Variants in TMC1 observed in about 807,000 individuals in gnomAD.
TMC1 encodes the protein transmembrane channel like 1.
In TMC1, 84 loss-of-function variants were observed where a neutral mutation model predicts 105.8. The ratio of observed to expected loss-of-function variants is 0.79; its 90% CI spans 0.67 to 0.95. The LOEUF (loss-of-function observed/expected upper bound fraction) is 0.95, where lower values mean the gene tolerates loss of function less well. Ranked by LOEUF, TMC1 falls within the 40% of genes least tolerant of loss-of-function variation. TMC1 has a pLI of 0.00. For synonymous variants in TMC1, 315 were observed against 311.5 expected (o/e 1.01, Z -0.12); for missense variants, 817 against 914.1 (o/e 0.89, Z 1.37).
chr9:72,805,204 T>A (rs542062961), intron 17 of TMC1, 178 bp from the exon 18 acceptor site: 1 of 513,680 alleles, frequency 1.9e-6, no homozygotes, highest in Admixed American at 3.5e-5. Context: ...ATTTTTTAAG[T>A]AATAAAGTCA....
intron 8 of TMC1, among the ~76,000 whole-genome samples, chr9:72,721,878 T>C (rs1827033421): frequency 6.6e-6 from 1 of 152,202 alleles, no homozygotes; most frequent in Non-Finnish European, 1.5e-5. Flanking sequence ...GAGTTCTTTT[T>C]AAATACCTGT....
intron 17 of TMC1, among the ~76,000 whole-genome samples, chr9:72,803,062 A>G (rs1052525109): frequency 6.6e-6 from 1 of 152,146 alleles, no homozygotes; most frequent in Admixed American, 6.5e-5. Context: ...AGAATAGGGA[A>G]CACAGAAATA....
chr9:72,633,142 C>T (rs936079711), intron 4 of TMC1, among the ~76,000 whole-genome samples: 1 of 152,110 alleles, frequency 6.6e-6, no homozygotes, highest in Non-Finnish European at 1.5e-5. Flanking sequence ...GGAATTTTTC[C>T]TTACTCAGTT....
chr9:72,755,727 G>A (rs891937715), intron 12 of TMC1, among the ~76,000 whole-genome samples: 2 of 152,132 alleles, frequency 1.3e-5, no homozygotes, highest in African/African-American at 2.4e-5. Context: ...AGTAATTTTT[G>A]GAGGCTAGAC....
intron 3 of TMC1, among the ~76,000 whole-genome samples, chr9:72,623,144 CCT>C (rs1160252201): frequency 7.0e-5 from 9 of 129,440 alleles, no homozygotes; most frequent in East Asian, 2.4e-4. Context: ...TCTCTCTCTC[CCT>C]GTTTTTTTTT....
chr9:72,572,923 T>G (rs1258090205), intron 1 of TMC1, among the ~76,000 whole-genome samples: 2 of 151,842 alleles, frequency 1.3e-5, no homozygotes, highest in Non-Finnish European at 2.9e-5. Context: ...ACCTGGGAGG[T>G]GGAGGCTGTG....
intron 12 of TMC1, among the ~76,000 whole-genome samples, chr9:72,766,596 T>A (rs552675284): frequency 2.0e-4 from 31 of 152,168 alleles, no homozygotes; most frequent in Admixed American, 2.0e-3. Flanking sequence ...ATGTCCCCTG[T>A]GTAGGCAGGA....
At chr9:72,736,141 C>G (rs1409505492) in intron 8 of TMC1, among the ~76,000 whole-genome samples, 1 of 152,058 alleles carries the variant, frequency 6.6e-6, no homozygotes, top group African/African-American at 2.4e-5. Context: ...TATGTTGAGG[C>G]TAGGGCGGGG....
At chr9:72,807,065 T>C (rs1217476953) in intron 18 of TMC1, among the ~76,000 whole-genome samples, 1 of 152,336 alleles carries the variant, frequency 6.6e-6, no homozygotes, top group African/African-American at 2.4e-5. Context: ...GGCTGGAGAC[T>C]GGCCTGGCCA....
At chr9:72,812,590 C>T (rs991663361) in intron 18 of TMC1, among the ~76,000 whole-genome samples, 1 of 152,190 alleles carries the variant, frequency 6.6e-6, no homozygotes, top group Non-Finnish European at 1.5e-5. Context: ...ATTTCTGATT[C>T]AGTAGATCTG....
intron 4 of TMC1, among the ~76,000 whole-genome samples, chr9:72,635,916 A>G (rs79402502): frequency 0.017 from 2,644 of 152,234 alleles, 45 homozygotes; most frequent in South Asian, 0.047. Context: ...TATCCTTTCT[A>G]TGGCCATTGA....
intron 5 of TMC1, among the ~76,000 whole-genome samples, chr9:72,687,169 A>T (rs561727131): frequency 6.6e-6 from 1 of 152,314 alleles, no homozygotes; most frequent in Admixed American, 6.5e-5. Flanking sequence ...ATCACAAATC[A>T]TCCTAATACA....
rs1826616404 is a variant in TMC1, at chr9:72,700,055, A to G, written c.237-463A>G. Among the ~76,000 whole-genome samples the G allele has an allele frequency of 2.0e-5, 3 of 151,238 alleles. No homozygotes were observed. The East Asian group carries it at 5.8e-4, about 29-fold the overall frequency. The stretch of plus-strand genomic sequence containing the variant: ...GATCACCTGAGGTCAGGAGTTCGAG[A>G]CCAGCCTGGCCAAGATGGTGAAACC... On this transcript the variant is annotated intron_variant, in intron 7 of 23. Coordinates refer to ENST00000297784, the MANE Select transcript of TMC1 (RefSeq NM_138691.3).
intron 17 of TMC1, among the ~76,000 whole-genome samples, chr9:72,793,194 A>T (rs1209968808): frequency 6.6e-6 from 1 of 152,092 alleles, no homozygotes; most frequent in African/African-American, 2.4e-5. Context: ...TTCCTGTCAA[A>T]AGTAGCTATA....
intron 4 of TMC1, among the ~76,000 whole-genome samples, chr9:72,641,099 A>G (rs577937096): frequency 6.6e-6 from 1 of 151,550 alleles, no homozygotes; most frequent in African/African-American, 2.4e-5. Flanking sequence ...TTATTTATTT[A>G]TTTTTTCTTT....
intron 8 of TMC1, among the ~76,000 whole-genome samples, chr9:72,738,173 G>A (rs1427767470): frequency 2.6e-5 from 4 of 152,160 alleles, no homozygotes; most frequent in East Asian, 1.9e-4. Flanking sequence ...TATTGTGTCC[G>A]CTATCAGGAA....
chr9:72,635,247 C>T (rs1372735356), intron 4 of TMC1, among the ~76,000 whole-genome samples: 2 of 148,734 alleles, frequency 1.3e-5, no homozygotes, highest in South Asian at 2.1e-4. Flanking sequence ...AGCAGGACTC[C>T]GTCTCCAAAA....
intron 2 of TMC1, among the ~76,000 whole-genome samples, chr9:72,602,137 G>C (rs1315209191): frequency 6.6e-6 from 1 of 152,128 alleles, no homozygotes; most frequent in Admixed American, 6.6e-5. Context: ...TCAGATTTCA[G>C]ATGTTTGGAT....
chr9:72,599,735 AG>A (rs1416043128), intron 2 of TMC1, among the ~76,000 whole-genome samples: 2 of 151,720 alleles, frequency 1.3e-5, no homozygotes, highest in South Asian at 4.2e-4. Context: ...ACTTGAACCC[AG>A]GAGATGGAGG....
Sources: allele counts gnomAD v4.1 joint callset (sites outside exome capture counted in the v4.1 genomes callset), GRCh38; gene constraint gnomAD v4.1.1; transcripts MANE v1.5; gene names NCBI Gene and HGNC (gene_info 2026-07-23, HGNC 2026-07-21).